EDN3: variants seen among roughly 807,000 people sequenced by gnomAD.
EDN3 encodes the protein endothelin 3.
A neutral mutation model predicts 21.4 loss-of-function variants in EDN3; 9 were observed. The observed-to-expected ratio is 0.42, with a 90% confidence interval of 0.25 to 0.73. EDN3 has a LOEUF of 0.73. EDN3 is among the 30% of genes least tolerant of loss of function. The pLI is 0.26. For synonymous variants in EDN3, 133 were observed against 126.2 expected (o/e 1.05, Z -0.36); for missense variants, 327 against 309.4 (o/e 1.06, Z -0.43).
At position 59,324,601 on chromosome 20, in the gene EDN3, C is replaced by A. The variant is rs372569173; in HGVS notation, c.*142C>A. On this transcript the variant is annotated 3_prime_UTR_variant, in exon 5 of 5. Coordinates refer to ENST00000337938, the MANE Select transcript of EDN3 (RefSeq NM_207034.3). The stretch of plus-strand genomic sequence containing the variant: ...CAAAGAGTCCCCACTTAACAATACC[C>A]CCCCCCCACGGCAAGAATGCCCAAA... 2.5e-5 allele frequency: 27 copies of A among 1,097,844 alleles called. No homozygotes were observed. The highest frequency in any genetic ancestry group is 4.2e-5 in the Admixed American group (2 of 47,766). The allele number at this position is 1,097,844 out of a possible 1,614,324, so 68.0% of individuals were successfully genotyped here.
At chr20:59,301,349 G>A in intron 1 of EDN3, 61 bp from the exon 2 acceptor site, 1 of 1,577,346 alleles carries the variant, frequency 6.3e-7, no homozygotes, top group Non-Finnish European at 8.6e-7. Flanking sequence ...GTGTTTGGGG[G>A]TGGCGGGTGT....
intron 1 of EDN3, 130 bp downstream of exon 1, chr20:59,300,994 A>C (rs1273292347): frequency 1.8e-6 from 2 of 1,135,432 alleles, no homozygotes; most frequent in African/African-American, 3.1e-5. Flanking sequence ...GCACTCGTGA[A>C]GACGCCTGGG....
At chr20:59,314,086 A>G (rs779403040) in intron 2 of EDN3, among the ~76,000 whole-genome samples, 2 of 152,136 alleles carry the variant, frequency 1.3e-5, no homozygotes, top group Non-Finnish European at 2.9e-5. Flanking sequence ...GCTGAAGGAC[A>G]GACAGTGGGC....
intron 2 of EDN3, among the ~76,000 whole-genome samples, chr20:59,316,758 A>G (rs749866034): frequency 6.6e-6 from 1 of 152,250 alleles, no homozygotes; most frequent in Non-Finnish European, 1.5e-5. Flanking sequence ...GAAACATTTG[A>G]TAAAAAAGAC....
chr20:59,320,054 C>T (rs1990429200), intron 2 of EDN3, among the ~76,000 whole-genome samples: 1 of 152,216 alleles, frequency 6.6e-6, no homozygotes, highest in South Asian at 2.1e-4. Context: ...TGTGCACACT[C>T]ACTAGAACCA....
rs11570260 is a variant in EDN3 at position 59,302,097 on chromosome 20, C to T, written c.365+375C>T. Among the ~76,000 whole-genome samples, 471 of 152,282 alleles carry T rather than the reference C, an allele frequency of 3.1e-3. 4 individuals carry two copies. Among genetic ancestry groups the T allele is most frequent in the African/African-American group, 0.011 (459 of 41,556 alleles). On this transcript the variant is annotated intron_variant, in intron 2 of 4. Coordinates refer to ENST00000337938, the MANE Select transcript of EDN3 (RefSeq NM_207034.3). Reference sequence around the variant, plus strand: ...TCTCATTCCCCAGGGGCCAAGGGGGCTCATACTCACTGTTGACCCCACCAG... The same window carrying T: ...TCTCATTCCCCAGGGGCCAAGGGGGTTCATACTCACTGTTGACCCCACCAG...
intron 1 of EDN3, 123 bp from the exon 2 acceptor site, chr20:59,301,287 C>T (rs1988994399): frequency 8.2e-7 from 1 of 1,215,624 alleles, no homozygotes; most frequent in Non-Finnish European, 1.2e-6. Flanking sequence ...AGAAACTGCG[C>T]AGAGCTTTGG....
intron 4 of EDN3, 127 bp from the exon 5 acceptor site, chr20:59,324,204 C>A: frequency 1.7e-6 from 2 of 1,208,776 alleles, no homozygotes; most frequent in Non-Finnish European, 1.2e-6. Flanking sequence ...ACATACAGTT[C>A]CAATCAGGGA....
rs941911524 is a variant in EDN3 at position 59,324,389 on chromosome 20, T to C, written c.647T>C (p.Met216Thr). 6.8e-6 allele frequency: 11 copies of C among 1,614,040 alleles called. No individual in the cohort carries two copies. Among genetic ancestry groups the C allele is most frequent in the Non-Finnish European group, 8.5e-6 (10 of 1,180,024 alleles). The change falls in exon 5 of 5, where the codon ATG (methionine) becomes ACG (threonine). Residue 216 changes from methionine to threonine, a missense_variant. Physicochemically the swap from Met to Thr is moderately conservative, Grantham distance 81. Transcript: ENST00000337938. ...TTAGACCTCCACCATCCAAAGCTCA[T>C]GCCCGGCAGTGGACTCGCCCTCGCT... ...QALDLHHPKL[M>T]PGSGLALAPS...
intron 1 of EDN3, 108 bp downstream of exon 1, chr20:59,300,972 T>C: frequency 1.5e-6 from 2 of 1,345,658 alleles, no homozygotes; most frequent in Non-Finnish European, 1.0e-6. Context: ...AGCAAACTCT[T>C]GCCTGGGCTC....
chr20:59,300,738 C>A lies in EDN3; in HGVS notation c.-75C>A. 6.6e-7 allele frequency: 1 copy of A among 1,504,908 alleles called. No homozygotes were observed. The highest frequency in any genetic ancestry group is 9.0e-7 in the Non-Finnish European group (1 of 1,105,540). The allele number at this position is 1,504,908 out of a possible 1,614,324, so 93.2% of individuals were successfully genotyped here. ...CAGCTGGAGGGCGAGGCCAGCTGTA[C>A]CCGGCCCCAGTGCCCTTTCGCGGCC... On this transcript the variant is annotated 5_prime_UTR_variant, in exon 1 of 5. It introduces an in-frame stop codon into an upstream open reading frame of the 5' UTR. Transcript: ENST00000337938.
Position 59,310,308 on chromosome 20 carries a change from A to G in EDN3, c.365+8586A>G, listed in dbSNP as rs575661249. On this transcript the variant is annotated intron_variant, in intron 2 of 4. Coordinates refer to ENST00000337938, the MANE Select transcript of EDN3 (RefSeq NM_207034.3). ...TGTTTCAGTTGAAACAGAGTTCCTC[A>G]AAATTGGAAATGCACACACACATAC... Among the ~76,000 whole-genome samples the G allele has an allele frequency of 2.0e-4, 31 of 152,326 alleles. 1 individual carries two copies. Among genetic ancestry groups the G allele is most frequent in the Admixed American group, 1.8e-3 (27 of 15,306 alleles).
At chr20:59,309,516 C>A (rs891703527) in intron 2 of EDN3, among the ~76,000 whole-genome samples, 18 of 152,112 alleles carry the variant, frequency 1.2e-4, no homozygotes, top group African/African-American at 4.3e-4. Context: ...TCATGATGTG[C>A]TTTTGAGACG....
rs550205592 is a variant in EDN3, at chr20:59,300,860, C to A, written c.48C>A (p.Ala16=). The A allele has an allele frequency of 1.2e-6, 2 of 1,611,062 alleles. No homozygotes were observed. Among genetic ancestry groups the A allele is most frequent in the Non-Finnish European group, 1.7e-6 (2 of 1,179,622 alleles). The change falls in exon 1 of 5, where the codon GCC becomes GCA. Residue 16 remains alanine (A), a synonymous_variant. Coordinates refer to ENST00000337938, the MANE Select transcript of EDN3 (RefSeq NM_207034.3). Reference sequence around the variant, plus strand: ...TTTTCGGGCTCACAGTGACCTCCGCCGCAGGTAAGCGCACGGGGCGGCGCG... The same window carrying A: ...TTTTCGGGCTCACAGTGACCTCCGCAGCAGGTAAGCGCACGGGGCGGCGCG... ...WLLFGLTVTS[A]AGFVPCSQSG...
rs11570322 is a variant in EDN3 at position 59,316,331 on chromosome 20, T to C, written c.366-4686T>C. Among the ~76,000 whole-genome samples, 1,175 of 152,346 alleles carry C rather than the reference T, an allele frequency of 7.7e-3. 16 individuals are homozygous for C. Among genetic ancestry groups the C allele is most frequent in the African/African-American group, 0.027 (1,122 of 41,572 alleles). The stretch of plus-strand genomic sequence containing the variant: ...CTTTACATAAGTTTTACCCGGAGTC[T>C]AGTCCAGCGCCTGCATGTTGAAAAG... On this transcript the variant is annotated intron_variant, in intron 2 of 4. Transcript: ENST00000337938.
rs535952312 is a variant in EDN3 at position 59,316,346 on chromosome 20, A to G, written c.366-4671A>G. Among the ~76,000 whole-genome samples the G allele has an allele frequency of 2.3e-3, 357 of 152,334 alleles. 2 individuals carry two copies. Among genetic ancestry groups the G allele is most frequent in the African/African-American group, 8.3e-3 (344 of 41,580 alleles). On this transcript the variant is annotated intron_variant, in intron 2 of 4. Transcript: ENST00000337938. Reference sequence around the variant, plus strand: ...ACCCGGAGTCTAGTCCAGCGCCTGCATGTTGAAAAGCAGTTGGCAAATATT... The same window carrying G: ...ACCCGGAGTCTAGTCCAGCGCCTGCGTGTTGAAAAGCAGTTGGCAAATATT...
chr20:59,312,302 G>A (rs999301570), intron 2 of EDN3, among the ~76,000 whole-genome samples: 4 of 152,186 alleles, frequency 2.6e-5, no homozygotes, highest in African/African-American at 4.8e-5. Flanking sequence ...GAGGGAAACT[G>A]CTAATCTGTA....
chr20:59,314,172 A>G (rs1327919842), intron 2 of EDN3, among the ~76,000 whole-genome samples: 1 of 152,120 alleles, frequency 6.6e-6, no homozygotes, highest in African/African-American at 2.4e-5. Flanking sequence ...CAGTGCACAC[A>G]CTTGGGGGAA....
At chr20:59,311,249 G>A (rs1989786674) in intron 2 of EDN3, among the ~76,000 whole-genome samples, 1 of 152,028 alleles carries the variant, frequency 6.6e-6, no homozygotes, top group Admixed American at 6.6e-5. Context: ...CTGGAAAGGG[G>A]TCCCGATCCA....
Sources: allele counts gnomAD v4.1 joint callset (sites outside exome capture counted in the v4.1 genomes callset), GRCh38; gene constraint gnomAD v4.1.1; transcripts MANE v1.5; gene names NCBI Gene and HGNC (gene_info 2026-07-23, HGNC 2026-07-21).